UQCC1: variants seen among roughly 807,000 people sequenced by gnomAD.
The protein encoded by UQCC1 is bFGF-repressed Zic-binding protein.
UQCC1 carries 38 observed loss-of-function variants against 48.0 expected under a neutral mutation model. The ratio of observed to expected loss-of-function variants is 0.79; its 90% confidence interval spans 0.61 to 1.04. The LOEUF (loss-of-function observed/expected upper bound fraction) is 1.04, where lower values mean the gene tolerates loss of function less well. Ranked by LOEUF, UQCC1 falls within the 50% of genes least tolerant of loss-of-function variation. The pLI, the probability that UQCC1 is intolerant of heterozygous loss-of-function variation, is 0.00. For missense variants in UQCC1, 368 were observed against 381.8 expected, an observed-to-expected ratio of 0.96 and a Z score of 0.30; for synonymous variants, 111 against 129.2, an observed-to-expected ratio of 0.86 and a Z score of 0.95.
At chr20:35,346,632 T>A (rs1287651277) in intron 7 of UQCC1, 2 of 180,230 alleles carry the variant, frequency 1.1e-5, no homozygotes, top group Admixed American at 5.4e-5. Flanking sequence ...TATATATATA[T>A]ATAATATATT....
chr20:35,364,386 T>C (rs372547017), intron 6 of UQCC1, among the ~76,000 whole-genome samples: 146 of 152,310 alleles, frequency 9.6e-4, no homozygotes, highest in African/African-American at 3.4e-3. Flanking sequence ...TTTATGTCTG[T>C]TTTCCATTAG....
In UQCC1 at chr20:35,361,580, TATTA is replaced by T. The variant is rs1314652200; in HGVS notation, c.464+4973_464+4976del. Among the ~76,000 whole-genome samples, 8 of 152,342 alleles carry T rather than the reference TATTA, an allele frequency of 5.3e-5. No homozygotes were observed. In the East Asian group the frequency reaches 5.8e-4, roughly 11 times the overall value. On this transcript the variant is annotated intron_variant, in intron 6 of 9. Coordinates refer to ENST00000374385, the MANE Select transcript of UQCC1 (RefSeq NM_018244.5). ...ATCTATGTTTAAGTAGGTACTTTAG[TATTA>T]ATTAACATTAATTTAAGTATTTAAT...
intron 6 of UQCC1, among the ~76,000 whole-genome samples, chr20:35,364,877 T>C (rs1044823605): frequency 2.6e-5 from 4 of 152,242 alleles, no homozygotes; most frequent in Admixed American, 6.5e-5. Flanking sequence ...CCTCTAGCTA[T>C]ATGGGCAATA....
At chr20:35,368,223 C>A (rs926265308) in intron 5 of UQCC1, among the ~76,000 whole-genome samples, 1 of 152,084 alleles carries the variant, frequency 6.6e-6, no homozygotes, top group Non-Finnish European at 1.5e-5. Flanking sequence ...AACACATAGG[C>A]CCGGACCCCC....
chr20:35,330,304 T>C (rs554555583), intron 7 of UQCC1, among the ~76,000 whole-genome samples: 5 of 152,244 alleles, frequency 3.3e-5, no homozygotes, highest in Non-Finnish European at 7.3e-5. Flanking sequence ...TATATGACAC[T>C]GACCAAGCCT....
intron 6 of UQCC1, among the ~76,000 whole-genome samples, chr20:35,355,544 C>A (rs1157239615): frequency 1.3e-5 from 2 of 152,174 alleles, no homozygotes; most frequent in African/African-American, 4.8e-5. Context: ...AAGGCTGGGC[C>A]AAAATCTTAA....
At chr20:35,410,562 G>C (rs1213512404) in intron 1 of UQCC1, among the ~76,000 whole-genome samples, 1 of 148,354 alleles carries the variant, frequency 6.7e-6, no homozygotes, top group Non-Finnish European at 1.5e-5. Context: ...AATTAGTCAG[G>C]TGTGGTGTGG....
At chr20:35,373,641 C>T (rs529329004) in intron 5 of UQCC1, among the ~76,000 whole-genome samples, 5 of 142,628 alleles carry the variant, frequency 3.5e-5, no homozygotes, top group East Asian at 2.1e-4. Context: ...GAGCCAAGAT[C>T]GTACCACTGC....
chr20:35,369,698 G>A (rs924445684), intron 5 of UQCC1, among the ~76,000 whole-genome samples: 2 of 152,306 alleles, frequency 1.3e-5, no homozygotes, highest in South Asian at 2.1e-4. Context: ...GTGAGAATGA[G>A]ATAAGGCCTA....
rs556221405 is a variant in UQCC1, at chr20:35,348,640, C to T, written c.465-1368G>A. On this transcript the variant is annotated intron_variant, in intron 6 of 9. Coordinates refer to ENST00000374385, the MANE Select transcript of UQCC1 (RefSeq NM_018244.5). ...CTCCTGACCTGTGATCCACCCGCCT[C>T]AGCCTCCCAAAGTGCTTGTTTTCTC... Among the ~76,000 whole-genome samples the T allele has an allele frequency of 7.2e-5, 11 of 152,004 alleles. No homozygotes were observed. In the East Asian group the frequency reaches 2.1e-3, roughly 30 times the overall value.
chr20:35,390,421 CAA>C (rs200508947), intron 2 of UQCC1, among the ~76,000 whole-genome samples: 11 of 69,470 alleles, frequency 1.6e-4, no homozygotes, highest in Admixed American at 3.4e-4. Context: ...AACTCCGTCT[CAA>C]AAAAAAAAAA....
intron 4 of UQCC1, among the ~76,000 whole-genome samples, chr20:35,375,099 T>C (rs1375209754): frequency 2.0e-5 from 3 of 152,202 alleles, no homozygotes; most frequent in East Asian, 3.8e-4. Flanking sequence ...ACAAGGCTTC[T>C]AGAAGCTTAT....
At chr20:35,401,131 C>G (rs918214000) in intron 1 of UQCC1, among the ~76,000 whole-genome samples, 4 of 152,212 alleles carry the variant, frequency 2.6e-5, no homozygotes, top group Admixed American at 6.5e-5. Context: ...CTGGTCACAA[C>G]ATTCATCAAC....
chr20:35,324,780 T>C (rs1462156158), intron 7 of UQCC1, among the ~76,000 whole-genome samples: 1 of 152,092 alleles, frequency 6.6e-6, no homozygotes, highest in African/African-American at 2.4e-5. Context: ...AGTTTGGCGG[T>C]TTCTCAAAAG....
chr20:35,389,856 T>C (rs1372923299), intron 2 of UQCC1, among the ~76,000 whole-genome samples: 2 of 152,170 alleles, frequency 1.3e-5, no homozygotes, highest in African/African-American at 2.4e-5. Context: ...CAAAGCAGGA[T>C]CTCTAAGATA....
chr20:35,372,211 C>T (rs944481191), intron 5 of UQCC1, among the ~76,000 whole-genome samples: 3 of 151,368 alleles, frequency 2.0e-5, no homozygotes, highest in Non-Finnish European at 4.4e-5. Flanking sequence ...ACTTGGGAGG[C>T]TGAGGCAGAA....
intron 1 of UQCC1, among the ~76,000 whole-genome samples, chr20:35,404,790 C>A (rs981941147): frequency 6.6e-6 from 1 of 151,870 alleles, no homozygotes; most frequent in Non-Finnish European, 1.5e-5. Context: ...GTGAAAAAAC[C>A]TTTTCCCCAG....
intron 7 of UQCC1, among the ~76,000 whole-genome samples, chr20:35,337,504 C>T (rs576719338): frequency 3.9e-5 from 6 of 152,268 alleles, no homozygotes; most frequent in South Asian, 2.1e-4. Context: ...GCATCCCTAA[C>T]GAGTTCCCAA....
At chr20:35,360,283 C>T (rs2061592024) in intron 6 of UQCC1, among the ~76,000 whole-genome samples, 1 of 152,108 alleles carries the variant, frequency 6.6e-6, no homozygotes, top group Admixed American at 6.6e-5. Flanking sequence ...CCAGCAGAAG[C>T]CTGAATGCCC....
Sources: gnomAD v4.1 joint callset for allele counts (sites outside exome capture counted in the v4.1 genomes callset) on GRCh38, gnomAD v4.1.1 for gene constraint, MANE v1.5 for transcripts, NCBI Gene and HGNC (gene_info 2026-07-23, HGNC 2026-07-21) for gene names.